The following CGNL1 variants were observed in gnomAD, a reference collection of about 807,000 sequenced individuals.
CGNL1 encodes the protein cingulin like 1.
In CGNL1, 132 loss-of-function variants were observed where a neutral mutation model predicts 141.2. That is an observed-to-expected ratio of 0.93 (90% confidence interval 0.81 to 1.08). The LOEUF (loss-of-function observed/expected upper bound fraction) is 1.08, where lower values mean the gene tolerates loss of function less well. Ranked by LOEUF, CGNL1 falls within the 50% of genes least tolerant of loss-of-function variation. The pLI is 0.00. For missense variants in CGNL1, 1,870 were observed against 1,588.6 expected, an observed-to-expected ratio of 1.18 and a Z score of -3.01; for synonymous variants, 690 against 622.1, an observed-to-expected ratio of 1.11 and a Z score of -1.63.
At chr15:57,518,223 G>A (rs536427956) in intron 9 of CGNL1, among the ~76,000 whole-genome samples, 170 bp from the exon 10 acceptor site, 4 of 152,284 alleles carry the variant, frequency 2.6e-5, no homozygotes, top group Admixed American at 2.0e-4. Context: ...ATAAACACAC[G>A]CATCCAAGAA....
intron 4 of CGNL1, among the ~76,000 whole-genome samples, chr15:57,443,480 G>A (rs1274784328): frequency 1.3e-5 from 2 of 152,222 alleles, no homozygotes; most frequent in African/African-American, 4.8e-5. Context: ...CAGGTAACAG[G>A]AAACTTGTCT....
At chr15:57,441,054 A>T (rs2063180216) in intron 3 of CGNL1, among the ~76,000 whole-genome samples, 1 of 129,860 alleles carries the variant, frequency 7.7e-6, no homozygotes, top group East Asian at 2.3e-4. Flanking sequence ...CTCTCAACAG[A>T]TGTGATTAAG....
intron 15 of CGNL1, 93 bp from the exon 16 acceptor site, chr15:57,544,380 G>A (rs1024975868): frequency 2.0e-6 from 3 of 1,487,330 alleles, no homozygotes; most frequent in African/African-American, 1.4e-5. Flanking sequence ...CGCATGCAGC[G>A]ACCAAACACC....
rs538844554 is a variant in CGNL1 at position 57,514,163 on chromosome 15, A to G, written c.2404-2617A>G. On this transcript the variant is annotated intron_variant, in intron 8 of 18. Transcript: ENST00000281282. ...TCCTTTCCCCATTGTTTATTTATTT[A>G]TTTTTTGAGATGGAGTCTTGCTCTG... Among the ~76,000 whole-genome samples the G allele has an allele frequency of 8.7e-4, 116 of 133,506 alleles. 1 individual carries two copies. The highest frequency in any genetic ancestry group is 2.7e-3 in the African/African-American group (103 of 37,464). The allele number at this position is 133,506 out of a possible 152,430, so 87.6% of individuals were successfully genotyped here.
At chr15:57,403,800 C>T (rs926033129) in intron 1 of CGNL1, among the ~76,000 whole-genome samples, 3 of 152,144 alleles carry the variant, frequency 2.0e-5, no homozygotes, top group Admixed American at 6.5e-5. Flanking sequence ...TTTTAATGGC[C>T]GTGTCTAGAG....
intron 7 of CGNL1, among the ~76,000 whole-genome samples, chr15:57,457,785 G>A (rs1388713827): frequency 6.6e-6 from 1 of 152,046 alleles, no homozygotes; most frequent in African/African-American, 2.4e-5. Context: ...TCTCCCACTG[G>A]GCTCCTCCCT....
At chr15:57,452,003 C>A in intron 5 of CGNL1, 138 bp from the exon 6 acceptor site, 3 of 656,652 alleles carry the variant, frequency 4.6e-6, no homozygotes, top group South Asian at 3.0e-5. Flanking sequence ...AACTCCTGTG[C>A]CTTAATTATA....
At chr15:57,473,685 G>A (rs935036051) in intron 8 of CGNL1, among the ~76,000 whole-genome samples, 2 of 152,060 alleles carry the variant, frequency 1.3e-5, no homozygotes, top group African/African-American at 4.8e-5. Flanking sequence ...TGTTGTAAGT[G>A]CACTTAAGCA....
chr15:57,448,296 C>T (rs1026579569), intron 4 of CGNL1, among the ~76,000 whole-genome samples: 6 of 151,462 alleles, frequency 4.0e-5, no homozygotes, highest in African/African-American at 1.2e-4. Context: ...ATATTGTGTA[C>T]TGCTGTTTTA....
At chr15:57,504,676 G>A (rs142534344) in intron 8 of CGNL1, among the ~76,000 whole-genome samples, 1,697 of 152,318 alleles carry the variant, frequency 0.011, 13 homozygotes, top group Non-Finnish European at 0.016. Context: ...GATCTCTGCA[G>A]TGGGGTAGGA....
chr15:57,416,697 AGTGTTG>A (rs1392027676), intron 1 of CGNL1, among the ~76,000 whole-genome samples: 1 of 152,104 alleles, frequency 6.6e-6, no homozygotes, highest in African/African-American at 2.4e-5. Context: ...TCAGTGCTGG[AGTGTTG>A]GTTACCTGGA....
intron 8 of CGNL1, among the ~76,000 whole-genome samples, chr15:57,494,770 A>G (rs1384511253): frequency 2.6e-5 from 4 of 152,250 alleles, no homozygotes; most frequent in African/African-American, 9.6e-5. Flanking sequence ...TTCAGCTGGC[A>G]TCTCATCCAG....
In CGNL1 at chr15:57,504,001, G is replaced by A. The variant is rs76228613; in HGVS notation, c.2404-12779G>A. Among the ~76,000 whole-genome samples the A allele has an allele frequency of 9.5e-3, 1,450 of 152,234 alleles. 25 individuals are homozygous for A. Among genetic ancestry groups the A allele is most frequent in the African/African-American group, 0.033 (1,361 of 41,516 alleles). ...CACGGTTATTGAGCAGCTGCCCCCTGTGCCCTGCGTGGCATTGTGCTGAGT... is the reference window on the plus strand; with the variant it reads ...CACGGTTATTGAGCAGCTGCCCCCTATGCCCTGCGTGGCATTGTGCTGAGT... On this transcript the variant is annotated intron_variant, in intron 8 of 18. Coordinates refer to ENST00000281282, the MANE Select transcript of CGNL1 (RefSeq NM_032866.5).
intron 1 of CGNL1, among the ~76,000 whole-genome samples, chr15:57,408,280 A>C (rs995619495): frequency 8.5e-5 from 13 of 152,212 alleles, no homozygotes; most frequent in African/African-American, 3.1e-4. Flanking sequence ...TAAGTTTCTC[A>C]GGGGCCCCAA....
intron 14 of CGNL1, 108 bp from the exon 15 acceptor site, chr15:57,543,588 C>A (rs866762231): frequency 4.2e-6 from 4 of 947,794 alleles, no homozygotes; most frequent in African/African-American, 3.3e-5. Flanking sequence ...GGTAGGGCAA[C>A]CCCCTTCATA....
intron 9 of CGNL1, 123 bp from the exon 10 acceptor site, chr15:57,518,270 T>G (rs1193478555): frequency 4.9e-5 from 34 of 690,414 alleles, no homozygotes; most frequent in Non-Finnish European, 8.1e-5. Flanking sequence ...CTGTGACAGG[T>G]GCATTGTGAC....
At position 57,516,809 on chromosome 15, in the gene CGNL1, C is replaced by T; in HGVS notation, c.2433C>T (p.Asn811=). ...TCGAGGTCTTGGCGAGCAGGAGCAA[C>T]ACTTCAGAGCAAGACCAGGCGGGGA... ...KNVEVLASRS[N]TSEQDQAGTE... The change falls in exon 9 of 19, where the codon AAC becomes AAT. Residue 811 remains asparagine, a synonymous_variant. Coordinates refer to ENST00000281282, the MANE Select transcript of CGNL1 (RefSeq NM_032866.5). The T allele has an allele frequency of 6.2e-7, 1 of 1,614,172 alleles. No homozygotes were observed. The highest frequency in any genetic ancestry group is 8.5e-7 in the Non-Finnish European group (1 of 1,180,038).
At chr15:57,433,056 T>C (rs1329663732) in intron 1 of CGNL1, among the ~76,000 whole-genome samples, 3 of 150,422 alleles carry the variant, frequency 2.0e-5, no homozygotes, top group Admixed American at 6.6e-5. Flanking sequence ...CTGATTTTTC[T>C]TACAACACTT....
chr15:57,440,599 C>A, intron 3 of CGNL1, 128 bp downstream of exon 3: 1 of 721,766 alleles, frequency 1.4e-6, no homozygotes, highest in Non-Finnish European at 2.4e-6. Context: ...GGTTAAAACT[C>A]AATGGCTGGG....
Sources: allele counts gnomAD v4.1 joint callset (sites outside exome capture counted in the v4.1 genomes callset), GRCh38; gene constraint gnomAD v4.1.1; transcripts MANE v1.5; gene names NCBI Gene and HGNC (gene_info 2026-07-23, HGNC 2026-07-21).